The following QTMAN variants were observed in gnomAD, a reference collection of about 807,000 sequenced individuals.
QTMAN encodes the protein queuosine-tRNA mannosyltransferase.
the QTMAN span, among the ~76,000 whole-genome samples, chr2:144,309,869 A>C: frequency 3.3e-5 from 5 of 151,612 alleles, no homozygotes; most frequent in Non-Finnish European, 5.9e-5. Flanking sequence ...TTTAACCCCT[A>C]GGTAATAAAT....
At chr2:144,174,354 T>C in the QTMAN span, among the ~76,000 whole-genome samples, 2 of 152,242 alleles carry the variant, frequency 1.3e-5, no homozygotes, top group Admixed American at 6.5e-5. Context: ...TGTCATAGCC[T>C]CCCCCCTCAT....
At chr2:144,008,355 G>A in the QTMAN span, among the ~76,000 whole-genome samples, 1 of 151,978 alleles carries the variant, frequency 6.6e-6, no homozygotes, top group Non-Finnish European at 1.5e-5. Flanking sequence ...AGAGATTAAT[G>A]CTGACTTGGG....
chr2:144,092,870 G>GGT, the QTMAN span, among the ~76,000 whole-genome samples: 23,650 of 140,440 alleles, frequency 0.17, 1,936 homozygotes, highest in Admixed American at 0.22. Context: ...AAACTTTTGG[G>GGT]GTGTGTGTGT....
At chr2:144,284,912 C>T in the QTMAN span, among the ~76,000 whole-genome samples, 1 of 151,436 alleles carries the variant, frequency 6.6e-6, no homozygotes, top group African/African-American at 2.4e-5. Context: ...ACCTATAATC[C>T]CGGCACTTTG....
At chr2:143,981,387 T>C in the QTMAN span, among the ~76,000 whole-genome samples, 6 of 152,192 alleles carry the variant, frequency 3.9e-5, no homozygotes, top group African/African-American at 7.2e-5. Context: ...AATTATGATA[T>C]GCCGTTCATC....
the QTMAN span, among the ~76,000 whole-genome samples, chr2:144,185,896 G>A: frequency 6.9e-4 from 105 of 152,322 alleles, no homozygotes; most frequent in African/African-American, 2.4e-3. Context: ...GAAAGCTATA[G>A]ACATAGGAAA....
chr2:144,215,273 T>TACAC, the QTMAN span, among the ~76,000 whole-genome samples: 211 of 143,860 alleles, frequency 1.5e-3, 1 homozygote, highest in Middle Eastern at 3.6e-3. Context: ...TATATATATA[T>TACAC]ACACACACAC....
the QTMAN span, among the ~76,000 whole-genome samples, chr2:144,131,347 T>C: frequency 2.0e-5 from 3 of 151,954 alleles, no homozygotes; most frequent in African/African-American, 7.2e-5. Context: ...AGTTGTCACA[T>C]CAACTTGCCA....
At chr2:144,314,565 T>C in the QTMAN span, among the ~76,000 whole-genome samples, 1 of 151,906 alleles carries the variant, frequency 6.6e-6, no homozygotes, top group African/African-American at 2.4e-5. Context: ...TACAAAAAAT[T>C]AGCCGGGCAT....
At chr2:144,254,834 T>C in the QTMAN span, among the ~76,000 whole-genome samples, 6 of 152,352 alleles carry the variant, frequency 3.9e-5, 1 homozygote, top group South Asian at 1.2e-3. Flanking sequence ...CAGTGTGACC[T>C]GGATGTGAGA....
At chr2:143,993,509 C>T in the QTMAN span, among the ~76,000 whole-genome samples, 2 of 151,794 alleles carry the variant, frequency 1.3e-5, no homozygotes, top group Non-Finnish European at 2.9e-5. Context: ...TGCATGTATT[C>T]TTATAAGAGG....
At chr2:144,045,895 AAG>A in the QTMAN span, among the ~76,000 whole-genome samples, 227 of 152,342 alleles carry the variant, frequency 1.5e-3, no homozygotes, top group Middle Eastern at 3.4e-3. Context: ...GCAAAAATTG[AAG>A]AGAGAGCCAA....
chr2:143,960,451 T>C, the QTMAN span, among the ~76,000 whole-genome samples: 1 of 152,004 alleles, frequency 6.6e-6, no homozygotes, highest in Non-Finnish European at 1.5e-5. Context: ...AGGATTGAAG[T>C]AAGGCTAGGA....
At chr2:144,012,945 G>A in the QTMAN span, among the ~76,000 whole-genome samples, 2 of 152,024 alleles carry the variant, frequency 1.3e-5, no homozygotes, top group Non-Finnish European at 2.9e-5. Flanking sequence ...ATGAAGTTCA[G>A]CGTGTCTCAC....
the QTMAN span, among the ~76,000 whole-genome samples, chr2:144,254,423 A>C: frequency 2.6e-5 from 4 of 152,128 alleles, no homozygotes; most frequent in Non-Finnish European, 4.4e-5. Flanking sequence ...CTCTGTCTCT[A>C]AATAAATAAA....
the QTMAN span, among the ~76,000 whole-genome samples, chr2:144,167,678 C>T: frequency 6.6e-6 from 1 of 152,056 alleles, no homozygotes; most frequent in African/African-American, 2.4e-5. Context: ...TTGCCTTCTG[C>T]CATAATTGTA....
chr2:144,259,304 A>G, the QTMAN span, among the ~76,000 whole-genome samples: 1 of 152,122 alleles, frequency 6.6e-6, no homozygotes, highest in South Asian at 2.1e-4. Flanking sequence ...GATTACAGAC[A>G]CACGTCACCT....
the QTMAN span, among the ~76,000 whole-genome samples, chr2:143,977,779 T>C: frequency 3.3e-5 from 5 of 152,202 alleles, no homozygotes; most frequent in African/African-American, 1.2e-4. Flanking sequence ...TTAAATTCTA[T>C]GTGTATCAGG....
the QTMAN span, among the ~76,000 whole-genome samples, chr2:144,325,442 C>A: frequency 5.3e-5 from 8 of 150,860 alleles, no homozygotes; most frequent in African/African-American, 2.0e-4. Context: ...CCTCCCCCAT[C>A]AATGATTCCT....
Sources: allele counts gnomAD v4.1 joint callset (sites outside exome capture counted in the v4.1 genomes callset), GRCh38; gene constraint gnomAD v4.1.1; transcripts MANE v1.5; gene names NCBI Gene and HGNC (gene_info 2026-07-23, HGNC 2026-07-21).